Variants in AGBL1 observed in about 807,000 individuals in gnomAD.
AGBL1 encodes AGBL carboxypeptidase 1, also known as cytosolic carboxypeptidase 4.
In AGBL1, 130 loss-of-function variants were observed where a neutral mutation model predicts 118.9. That is an observed-to-expected ratio of 1.09 (90% CI 0.95 to 1.26). The LOEUF (loss-of-function observed/expected upper bound fraction) is 1.26. Ranked by LOEUF, AGBL1 falls within the 50% of genes most tolerant of loss-of-function variation. The pLI, the probability that AGBL1 is intolerant of heterozygous loss-of-function variation, is 0.00. For missense variants in AGBL1, 1,584 were observed against 1,298.1 expected (o/e 1.22, Z -3.38); for synonymous variants, 555 against 478.9 (o/e 1.16, Z -2.08).
chr15:86,990,520 A>G (rs1300915148), intron 24 of AGBL1, among the ~76,000 whole-genome samples: 6 of 152,124 alleles, frequency 3.9e-5, no homozygotes, highest in Non-Finnish European at 8.8e-5. Flanking sequence ...TCTCAGAAAA[A>G]AAAAAGAGAA....
intron 18 of AGBL1, among the ~76,000 whole-genome samples, chr15:86,514,877 A>T (rs1157680728): frequency 6.6e-6 from 1 of 152,128 alleles, no homozygotes; most frequent in Non-Finnish European, 1.5e-5. Context: ...GTATATTTTT[A>T]TTTGTAAAAG....
At chr15:86,252,458 C>T (rs1179669830) in intron 7 of AGBL1, among the ~76,000 whole-genome samples, 2 of 152,116 alleles carry the variant, frequency 1.3e-5, no homozygotes, top group East Asian at 1.9e-4. Flanking sequence ...GGGCTGGGTT[C>T]TATAGGGGGT....
rs2078749372 is a variant in AGBL1 at position 86,247,992 on chromosome 15, T to C, written c.735+113T>C. On this transcript the variant is annotated intron_variant, in intron 7 of 22. Transcript: ENST00000614907. ...TGGGAACGCCTCAGTCTATTTCTTG[T>C]TGCCTGCTAAGGGCGGATGTTCTGG... is the stretch of plus-strand genomic sequence containing the variant. The C allele has an allele frequency of 1.8e-5, 24 of 1,344,838 alleles. No homozygotes were observed. In the South Asian group the frequency reaches 2.9e-4, roughly 16 times the overall value. The allele number at this position is 1,344,838 out of a possible 1,614,324, so 83.3% of individuals were successfully genotyped here. A position where few individuals can be genotyped will look rare whatever the true frequency, so the allele number is the denominator to read the frequency against.
At chr15:86,763,789 C>T (rs2078059671) in intron 22 of AGBL1, among the ~76,000 whole-genome samples, 1 of 151,976 alleles carries the variant, frequency 6.6e-6, no homozygotes, top group Admixed American at 6.6e-5. Context: ...TTTACTGTAG[C>T]TTTGGAATTC....
intron 24 of AGBL1, among the ~76,000 whole-genome samples, chr15:87,008,249 A>T (rs1231442845): frequency 6.6e-6 from 1 of 152,036 alleles, no homozygotes; most frequent in Non-Finnish European, 1.5e-5. Flanking sequence ...TGTGGGAGGG[A>T]CCCAGTGGGA....
At chr15:86,433,273 T>C (rs1293813931) in intron 18 of AGBL1, among the ~76,000 whole-genome samples, 1,702 of 95,810 alleles carry the variant, frequency 0.018, 16 homozygotes, top group African/African-American at 0.033. Context: ...CTTCTTTTTT[T>C]TTTTTTTTTT....
chr15:86,112,625 A>C (rs933547601), intron 1 of AGBL1, among the ~76,000 whole-genome samples: 2 of 152,222 alleles, frequency 1.3e-5, no homozygotes, highest in Non-Finnish European at 2.9e-5. Flanking sequence ...TTGTTGGGTC[A>C]AAGGGTCTGT....
chr15:86,095,644 TA>T (rs752515338), intron 1 of AGBL1, among the ~76,000 whole-genome samples: 1 of 122,860 alleles, frequency 8.1e-6, no homozygotes, highest in East Asian at 2.5e-4. Context: ...TGACCTTGGA[TA>T]CCTTTTTTTT....
At chr15:86,884,226 G>T (rs961132599) in intron 22 of AGBL1, among the ~76,000 whole-genome samples, 1 of 152,176 alleles carries the variant, frequency 6.6e-6, no homozygotes, top group African/African-American at 2.4e-5. Flanking sequence ...AATGACAATG[G>T]ATCTGGTAAC....
At chr15:86,493,756 T>C (rs1268379149) in intron 18 of AGBL1, among the ~76,000 whole-genome samples, 1 of 152,050 alleles carries the variant, frequency 6.6e-6, no homozygotes, top group African/African-American at 2.4e-5. Flanking sequence ...GACACATCTC[T>C]AAACATCATC....
intron 21 of AGBL1, among the ~76,000 whole-genome samples, chr15:86,595,510 T>G (rs2084393020): frequency 6.6e-6 from 1 of 152,192 alleles, no homozygotes. Context: ...TCTTTACATT[T>G]CTAGTAAATC....
chr15:86,712,495 C>T (rs1057069936), intron 22 of AGBL1, among the ~76,000 whole-genome samples: 3 of 152,022 alleles, frequency 2.0e-5, no homozygotes, highest in African/African-American at 7.2e-5. Flanking sequence ...CTTAATGTGG[C>T]TAAGTGATGC....
intron 21 of AGBL1, among the ~76,000 whole-genome samples, chr15:86,670,332 G>A (rs62033713): frequency 0.27 from 41,310 of 151,650 alleles, 6,514 homozygotes; most frequent in East Asian, 0.61. Flanking sequence ...GGCCGGGTGC[G>A]GTGGCTCATT....
chr15:86,934,233 G>A (rs1768611812), intron 23 of AGBL1, among the ~76,000 whole-genome samples: 1 of 152,190 alleles, frequency 6.6e-6, no homozygotes, highest in Admixed American at 6.5e-5. Context: ...CAGCTTGTGA[G>A]TGCTGTTAAC....
Position 86,676,088 on chromosome 15 carries a change from G to A in AGBL1, c.3158+1652G>A, listed in dbSNP as rs189563176. ...ATTTTTCAATTGCATCCTGACCAAGGGGATTGAAGCTAGAGGTCCTCCCAT... is the reference window on the plus strand; with the variant it reads ...ATTTTTCAATTGCATCCTGACCAAGAGGATTGAAGCTAGAGGTCCTCCCAT... On this transcript the variant is annotated intron_variant, in intron 22 of 22. Coordinates refer to ENST00000614907, the MANE Select transcript of AGBL1 (RefSeq NM_001386094.1). Among the ~76,000 whole-genome samples the A allele has an allele frequency of 3.9e-4, 59 of 152,238 alleles. 1 individual carries two copies. Among genetic ancestry groups the A allele is most frequent in the African/African-American group, 1.3e-3 (56 of 41,540 alleles).
chr15:86,595,383 AC>A (rs2084391300), intron 21 of AGBL1, among the ~76,000 whole-genome samples: 1 of 151,922 alleles, frequency 6.6e-6, no homozygotes, highest in African/African-American at 2.4e-5. Flanking sequence ...CTACTCCTTA[AC>A]CTTTTAAAAG....
intron 22 of AGBL1, among the ~76,000 whole-genome samples, chr15:86,893,083 G>A (rs17647073): frequency 0.24 from 36,386 of 152,058 alleles, 4,530 homozygotes; most frequent in African/African-American, 0.29. Flanking sequence ...ACTCACCCAG[G>A]GAATTCAGAG....
At chr15:86,649,999 C>CA (rs1204405280) in intron 21 of AGBL1, among the ~76,000 whole-genome samples, 1 of 151,460 alleles carries the variant, frequency 6.6e-6, no homozygotes, top group East Asian at 1.9e-4. Flanking sequence ...GTCATAGGAC[C>CA]AAAAAAAATT....
intron 22 of AGBL1, among the ~76,000 whole-genome samples, chr15:86,820,775 T>C (rs1182247099): frequency 6.6e-6 from 1 of 152,184 alleles, no homozygotes; most frequent in Non-Finnish European, 1.5e-5. Flanking sequence ...AGTGTGACAA[T>C]TCCTCAAGGA....
Sources: allele counts gnomAD v4.1 joint callset (sites outside exome capture counted in the v4.1 genomes callset), GRCh38; gene constraint gnomAD v4.1.1; transcripts MANE v1.5; gene names NCBI Gene and HGNC (gene_info 2026-07-23, HGNC 2026-07-21).